Variants in PHF12 observed in about 807,000 individuals in gnomAD.
PHF12 encodes PHD finger protein 12, also known as PHD factor 1.
A neutral mutation model predicts 99.8 loss-of-function variants in PHF12; 6 were observed. The ratio of observed to expected loss-of-function variants is 0.06; its 90% CI spans 0.03 to 0.12. PHF12 has a LOEUF of 0.12. Among genes scored for constraint, PHF12 ranks in the 10% least tolerant of loss-of-function variants. The pLI is 1.00. For synonymous variants in PHF12, 480 were observed against 514.9 expected (o/e 0.93, Z 0.92); for missense variants, 954 against 1,300.1 (o/e 0.73, Z 4.09).
intron 8 of PHF12, 47 bp downstream of exon 8, chr17:28,913,832 C>A: frequency 6.4e-7 from 1 of 1,567,710 alleles, no homozygotes. Context: ...GCTGTGGTGA[C>A]ACAGAAGGAA....
In PHF12 at chr17:28,950,082, G is replaced by A. The variant is rs1397058490; in HGVS notation, c.231C>T (p.Ala77=). The A allele has an allele frequency of 3.1e-6, 5 of 1,613,158 alleles. No homozygotes were observed. Among genetic ancestry groups the A allele is most frequent in the Non-Finnish European group, 4.2e-6 (5 of 1,179,482 alleles). ...GACCTTACCAGCACTGGAGGTGGAA[G>A]GCAGCCGGGCAGTGGTCGCAGCACA... ...DLLCCDHCPA[A]FHLQCCNPPL... The change falls in exon 2 of 15, where the codon GCC becomes GCT. Residue 77 remains alanine (A), a synonymous_variant. Transcript: ENST00000332830. The surrounding 1 kb of genome is among the most constrained non-coding windows in gnomAD (Gnocchi z 5.7).
intron 2 of PHF12, among the ~76,000 whole-genome samples, chr17:28,932,539 A>G (rs1227839162): frequency 6.6e-6 from 1 of 152,208 alleles, no homozygotes; most frequent in Non-Finnish European, 1.5e-5. Flanking sequence ...GTTTTGCTCC[A>G]TATCAGAAAT....
chr17:28,921,413 C>T (rs929604184), intron 5 of PHF12, among the ~76,000 whole-genome samples: 3 of 151,436 alleles, frequency 2.0e-5, no homozygotes, highest in Non-Finnish European at 2.9e-5. Flanking sequence ...ACAATCTGAC[C>T]GCCTCGGCCT....
At position 28,950,190 on chromosome 17, in the gene PHF12, C is replaced by T; in HGVS notation, c.123G>A (p.Arg41=). The change falls in exon 2 of 15, where the codon CGG becomes CGA. Residue 41 remains arginine, a synonymous_variant. Coordinates refer to ENST00000332830, the MANE Select transcript of PHF12 (RefSeq NM_001033561.2). The surrounding 1 kb of genome is among the most constrained non-coding windows in gnomAD (Gnocchi z 5.7). ...TTCTCCGGGGCTCCTTCTCAGGCTT[C>T]CGACTGCGCTTTTCTGCCTCGTCCG... The part of the protein sequence containing the change: ...PKTDEAEKRS[R]KPEKEPRRSG... 1 of 1,613,500 alleles carries T rather than the reference C, an allele frequency of 6.2e-7. No individual in the cohort carries two copies.
At chr17:28,920,885 T>A (rs2040150912) in intron 5 of PHF12, among the ~76,000 whole-genome samples, 1 of 149,126 alleles carries the variant, frequency 6.7e-6, no homozygotes, top group Non-Finnish European at 1.5e-5. Context: ...TTTTTATTTA[T>A]TTTTTTGAGA....
chr17:28,944,203 C>G (rs183816573), intron 2 of PHF12, among the ~76,000 whole-genome samples: 3 of 152,094 alleles, frequency 2.0e-5, no homozygotes, highest in African/African-American at 7.2e-5. Flanking sequence ...ATTAGTGGAG[C>G]TATATGTAAA....
intron 12 of PHF12, chr17:28,908,319 G>C (rs908936256): frequency 6.0e-6 from 1 of 167,534 alleles, no homozygotes; most frequent in African/African-American, 2.4e-5. Flanking sequence ...GGAAGACAAG[G>C]AACTGATTGT....
chr17:28,925,191 G>C (rs1284380915), intron 3 of PHF12: 1 of 152,200 alleles, frequency 6.6e-6, no homozygotes, highest in Non-Finnish European at 1.5e-5. Flanking sequence ...CTGTGATCTT[G>C]TCCTATTTCT....
chr17:28,919,330 A>G (rs1284632176), intron 5 of PHF12, 55 bp from the exon 6 acceptor site: 3 of 1,581,148 alleles, frequency 1.9e-6, no homozygotes, highest in South Asian at 1.1e-5. Flanking sequence ...AATTCAAACT[A>G]ACTTTGACCT....
chr17:28,906,296 C>A lies in PHF12; in HGVS notation c.2902G>T (p.Ala968Ser). The change falls in exon 15 of 15, where the codon GCG (alanine) becomes TCG (serine). Residue 968 changes from alanine to serine, a missense_variant. Around this residue, in one of 8 missense-constraint regions of PHF12, gnomAD observed 136 missense variants for 172.3 expected, o/e 0.79. Coordinates refer to ENST00000332830, the MANE Select transcript of PHF12 (RefSeq NM_001033561.2). The surrounding 1 kb of genome is among the most constrained non-coding windows in gnomAD (Gnocchi z 4.2). Reference sequence around the variant, plus strand: ...GCATCGCCTTTGGGCTGTTTGGTCGCAAACTCAGTGATGCTGAAGACAAAC... The same window carrying A: ...GCATCGCCTTTGGGCTGTTTGGTCGAAAACTCAGTGATGCTGAAGACAAAC... Reference protein sequence around the residue: ...LQFVFSITEFATKQPKGDASL... With the variant: ...LQFVFSITEFSTKQPKGDASL... 1 of 1,614,222 alleles carries A rather than the reference C, an allele frequency of 6.2e-7. No individual in the cohort carries two copies. Among genetic ancestry groups the A allele is most frequent in the Non-Finnish European group, 8.5e-7 (1 of 1,180,032 alleles).
chr17:28,926,328 CA>C (rs962268467), intron 3 of PHF12: 52 of 179,756 alleles, frequency 2.9e-4, no homozygotes, highest in African/African-American at 1.2e-3. Flanking sequence ...GTGGGGAGCA[CA>C]GGGGGGTGGA....
intron 2 of PHF12, among the ~76,000 whole-genome samples, chr17:28,941,154 C>T (rs556206545): frequency 4.0e-5 from 6 of 151,176 alleles, no homozygotes; most frequent in Admixed American, 6.6e-5. Flanking sequence ...TAAACCCAAA[C>T]GGAATCTTTT....
rs2040114133 is a variant in PHF12, at chr17:28,919,221, G to A, written c.891C>T (p.His297=). Residue 297 remains histidine, a synonymous_variant, in exon 6 of 15, where the codon CAC becomes CAT. Coordinates refer to ENST00000332830, the MANE Select transcript of PHF12 (RefSeq NM_001033561.2). The part of the protein sequence containing the change: ...IQCDYCPLLF[H]MDCLEPPLTA... Reference sequence around the variant, plus strand: ...TGAGCGGCGGCTCGAGGCAATCCATGTGAAACAGGAGAGGGCAATAGTCAC... The same window carrying A: ...TGAGCGGCGGCTCGAGGCAATCCATATGAAACAGGAGAGGGCAATAGTCAC... 6.2e-7 allele frequency: 1 copy of A among 1,614,096 alleles called. No homozygotes were observed. The highest frequency in any genetic ancestry group is 8.5e-7 in the Non-Finnish European group (1 of 1,180,034).
intron 2 of PHF12, among the ~76,000 whole-genome samples, chr17:28,948,752 A>C (rs2040758119): frequency 6.6e-6 from 1 of 152,178 alleles, no homozygotes; most frequent in Admixed American, 6.5e-5. Context: ...TTTCACTTAA[A>C]ACAAAATAAA....
Position 28,950,542 on chromosome 17 carries a change from A to C in PHF12, c.67-296T>G. ...CACTTCCTTGTATGGACAGTGGGGG[A>C]CTCCAAAGACCCGCTCGGGAGAGGC... On this transcript the variant is annotated intron_variant, in intron 1 of 14. Transcript: ENST00000332830. This position sits in a 1 kb window ranked among gnomAD's most constrained non-coding sequence, Gnocchi z 5.7. 1 of 514,570 alleles carries C rather than the reference A, an allele frequency of 1.9e-6. No homozygotes were observed. The highest frequency in any genetic ancestry group is 3.4e-6 in the Non-Finnish European group (1 of 290,472). The allele number at this position is 514,570 out of a possible 1,614,324, so 31.9% of individuals were successfully genotyped here. A position where few individuals can be genotyped will look rare whatever the true frequency, so the allele number is the denominator to read the frequency against.
chr17:28,912,795 G>A lies in PHF12; in HGVS notation c.1776C>T (p.Gly592=). The A allele has an allele frequency of 6.2e-7, 1 of 1,609,560 alleles. No individual in the cohort carries two copies. Among genetic ancestry groups the A allele is most frequent in the Non-Finnish European group, 8.5e-7 (1 of 1,177,050 alleles). Residue 592 remains glycine, a synonymous_variant, in exon 9 of 15, where the codon GGC becomes GGT. Coordinates refer to ENST00000332830, the MANE Select transcript of PHF12 (RefSeq NM_001033561.2). The part of the protein sequence containing the change: ...PRPLTPPAAG[G]LQNHTVGIIV... Reference sequence around the variant, plus strand: ...TGATGCCGACGGTGTGGTTCTGAAGGCCCCCAGCCGCTGGTGGCGTGAGGG... The same window carrying A: ...TGATGCCGACGGTGTGGTTCTGAAGACCCCCAGCCGCTGGTGGCGTGAGGG...
rs1364129046 is a variant in PHF12, at chr17:28,917,553, T to C, written c.970-104A>G. The C allele has an allele frequency of 4.6e-6, 6 of 1,295,050 alleles. No homozygotes were observed. The African/African-American group carries it at 5.9e-5, about 13-fold the overall frequency. The allele number at this position is 1,295,050 out of a possible 1,614,324, so 80.2% of individuals were successfully genotyped here. On this transcript the variant is annotated intron_variant, in intron 6 of 14. Transcript: ENST00000332830. Reference sequence around the variant, plus strand: ...TAAAAACTAGAAGCCCTCAGCCACATAGGTTCCCTCAATTAGGGACCAGGA... The same window carrying C: ...TAAAAACTAGAAGCCCTCAGCCACACAGGTTCCCTCAATTAGGGACCAGGA...
intron 2 of PHF12, among the ~76,000 whole-genome samples, chr17:28,931,887 T>G (rs1447911190): frequency 6.6e-6 from 1 of 152,004 alleles, no homozygotes; most frequent in Admixed American, 6.6e-5. Flanking sequence ...TGGCCAAGAT[T>G]TGCTGCTTTC....
At position 28,950,783 on chromosome 17, in the gene PHF12, T is replaced by C; in HGVS notation, c.66+112A>G. On this transcript the variant is annotated intron_variant, in intron 1 of 14. Transcript: ENST00000332830. This position sits in a 1 kb window ranked among gnomAD's most constrained non-coding sequence, Gnocchi z 5.7. ...GAGGGAGAGGCTAGGTGAGGAAGAATCCCCCTCCCTCGGCCATCTAGGCGC... is the reference window on the plus strand; with the variant it reads ...GAGGGAGAGGCTAGGTGAGGAAGAACCCCCCTCCCTCGGCCATCTAGGCGC... The C allele has an allele frequency of 6.9e-7, 1 of 1,443,682 alleles. No individual in the cohort carries two copies. The highest frequency in any genetic ancestry group is 1.4e-5 in the South Asian group (1 of 73,868). The allele number at this position is 1,443,682 out of a possible 1,614,324, so 89.4% of individuals were successfully genotyped here. A position where few individuals can be genotyped will look rare whatever the true frequency, so the allele number is the denominator to read the frequency against.
Sources: gnomAD v4.1 joint callset for allele counts (sites outside exome capture counted in the v4.1 genomes callset) on GRCh38, gnomAD v4.1.1 for gene constraint, gnomAD v4.1.1 regional missense constraint, Gnocchi (gnomAD v3.1) non-coding constraint, MANE v1.5 for transcripts, NCBI Gene and HGNC (gene_info 2026-07-23, HGNC 2026-07-21) for gene names.